The following PDIA6 variants were observed in gnomAD, a reference collection of about 807,000 sequenced individuals.
PDIA6 encodes the protein protein disulfide isomerase family A member 6, also known as protein disulfide-isomerase A6.
PDIA6 carries 29 observed loss-of-function variants against 58.4 expected under a neutral mutation model. The observed-to-expected ratio is 0.50, with a 90% CI of 0.37 to 0.68. PDIA6 has a LOEUF of 0.68. Among genes scored for constraint, PDIA6 ranks in the 30% least tolerant of loss-of-function variants. The probability of loss-of-function intolerance (pLI) is 0.00; values close to 1 mark genes in which losing one functional copy is unlikely to be tolerated. For synonymous variants in PDIA6, 192 were observed against 202.6 expected (o/e 0.95, Z 0.44); for missense variants, 480 against 551.0 (o/e 0.87, Z 1.29).
chr2:10,796,489 ACT>A (rs1451707286), intron 4 of PDIA6, among the ~76,000 whole-genome samples: 3 of 149,380 alleles, frequency 2.0e-5, no homozygotes, highest in Non-Finnish European at 4.4e-5. Flanking sequence ...ACACAGCAAG[ACT>A]CTGTCTCTTA....
At chr2:10,808,677 T>A (rs1666865321) in intron 1 of PDIA6, among the ~76,000 whole-genome samples, 1 of 152,178 alleles carries the variant, frequency 6.6e-6, no homozygotes, top group Non-Finnish European at 1.5e-5. Flanking sequence ...TGTGAATGGA[T>A]GCCAGGCTAA....
intron 1 of PDIA6, chr2:10,810,476 C>G: frequency 7.6e-7 from 1 of 1,313,296 alleles, no homozygotes; most frequent in Non-Finnish European, 9.7e-7. Flanking sequence ...CTTCCCTTTC[C>G]GTATAAAGAC....
intron 2 of PDIA6, among the ~76,000 whole-genome samples, chr2:10,818,590 C>T (rs112719627): frequency 0.14 from 18,329 of 132,698 alleles, 1,489 homozygotes; most frequent in Non-Finnish European, 0.19. Flanking sequence ...TGCACTATCT[C>T]GACTCACTAC....
At chr2:10,786,090 A>T (rs1420809942) in intron 11 of PDIA6, among the ~76,000 whole-genome samples, 2 of 151,820 alleles carry the variant, frequency 1.3e-5, no homozygotes, top group African/African-American at 4.8e-5. Flanking sequence ...TGGGAGGCTG[A>T]GGTGGGTGGA....
chr2:10,799,568 C>A (rs1041583202), intron 2 of PDIA6, among the ~76,000 whole-genome samples: 2 of 152,190 alleles, frequency 1.3e-5, no homozygotes, highest in African/African-American at 4.8e-5. Flanking sequence ...GGGGCCTAAA[C>A]TCAATCCCAG....
upstream of PDIA6, among the ~76,000 whole-genome samples, chr2:10,816,434 A>G (rs1401488500): frequency 1.4e-5 from 2 of 145,532 alleles, no homozygotes; most frequent in African/African-American, 2.6e-5. Flanking sequence ...TCTTTTTTAC[A>G]GGCTCCAGCC....
chr2:10,835,482 G>C (rs887088795), upstream of PDIA6, among the ~76,000 whole-genome samples: 15 of 152,164 alleles, frequency 9.9e-5, no homozygotes, highest in Admixed American at 3.3e-4. Context: ...CGAGGCCGGC[G>C]CACCCACCAG....
chr2:10,823,119 C>G (rs948695077), intron 1 of PDIA6: 2 of 152,244 alleles, frequency 1.3e-5, no homozygotes, highest in Non-Finnish European at 2.9e-5. Context: ...GGACAAATCA[C>G]CTTGCTCATT....
intron 1 of PDIA6, among the ~76,000 whole-genome samples, chr2:10,824,758 C>G (rs1667501995): frequency 6.6e-6 from 1 of 152,242 alleles, no homozygotes; most frequent in South Asian, 2.1e-4. Context: ...TGTCCTTCAG[C>G]TGAACATTCC....
rs1166009050 is a variant in PDIA6, at chr2:10,794,612, G to T, written c.347-1410C>A. 2.0e-5 allele frequency among the ~76,000 whole-genome samples: 3 copies of T among 151,002 alleles called. No homozygotes were observed. In the East Asian group the frequency reaches 5.9e-4, roughly 30 times the overall value. On this transcript the variant is annotated intron_variant, in intron 4 of 12. Coordinates refer to ENST00000272227, the MANE Select transcript of PDIA6 (RefSeq NM_005742.4). ...TCTGCCCAGGAAGAGAAACTTTTGA[G>T]AACACACCAGACCTGACACAAGAAA...
chr2:10,786,641 A>G (rs17455708), intron 11 of PDIA6, among the ~76,000 whole-genome samples: 22,287 of 152,208 alleles, frequency 0.15, 2,092 homozygotes, highest in Non-Finnish European at 0.21. Flanking sequence ...CAAGCCTCTC[A>G]ACTACCTTTT....
intron 2 of PDIA6, among the ~76,000 whole-genome samples, chr2:10,798,819 C>G (rs1666381356): frequency 6.6e-6 from 1 of 152,162 alleles, no homozygotes; most frequent in African/African-American, 2.4e-5. Flanking sequence ...GTTTGATAGT[C>G]TCTAGTCCAA....
intron 1 of PDIA6, among the ~76,000 whole-genome samples, chr2:10,820,364 C>G (rs1204325281): frequency 6.6e-6 from 1 of 152,112 alleles, no homozygotes; most frequent in South Asian, 2.1e-4. Flanking sequence ...TTCTGGCAAC[C>G]CCCACCCCAG....
At chr2:10,814,951 G>A (rs573027858), upstream of PDIA6, among the ~76,000 whole-genome samples, 28 of 152,306 alleles carry the variant, frequency 1.8e-4, no homozygotes, top group African/African-American at 6.5e-4. Flanking sequence ...GCTGATCCTC[G>A]TGGAGAAAAC....
chr2:10,790,783 T>A lies in PDIA6; in HGVS notation c.635A>T (p.Lys212Ile), dbSNP rs369014875. 12 of 1,614,092 alleles carry A rather than the reference T, an allele frequency of 7.4e-6. No individual in the cohort carries two copies. In the South Asian group the frequency reaches 1.3e-4, roughly 18 times the overall value. ...AAASEVKEQTKGKVKLAAVDA... is the reference protein window; with the variant it reads ...AAASEVKEQTIGKVKLAAVDA... ...CACAGCTGCCAGTTTCACTTTTCCT[T>A]TCGTCTGCTCTTTTACTTCTGAAGC... The change falls in exon 7 of 13, where the codon AAA becomes ATA. Residue 212 changes from lysine (K) to isoleucine (I), a missense_variant. By Grantham distance (102) the Lys-to-Ile change is moderately radical (BLOSUM62 -3). Transcript: ENST00000272227.
upstream of PDIA6, among the ~76,000 whole-genome samples, chr2:10,833,075 A>T (rs11885932): frequency 0.11 from 16,400 of 152,072 alleles, 1,062 homozygotes; most frequent in African/African-American, 0.15. Context: ...AGGAGTCCCC[A>T]TTTCCCAGAG....
intron 2 of PDIA6, among the ~76,000 whole-genome samples, chr2:10,800,078 T>C (rs1666440082): frequency 6.6e-6 from 1 of 152,148 alleles, no homozygotes; most frequent in Admixed American, 6.5e-5. Flanking sequence ...CAGTCAATTA[T>C]TGTGACTTTA....
At chr2:10,819,544 A>G (rs953498499) in intron 1 of PDIA6, among the ~76,000 whole-genome samples, 7 of 152,364 alleles carry the variant, frequency 4.6e-5, no homozygotes, top group Admixed American at 3.9e-4. Context: ...AAACTGTGCT[A>G]TTTGAGATAA....
intron 1 of PDIA6, among the ~76,000 whole-genome samples, chr2:10,827,653 G>A (rs1027768520): frequency 1.3e-5 from 2 of 151,680 alleles, no homozygotes; most frequent in Non-Finnish European, 1.5e-5. Context: ...GTGAAACCTC[G>A]TCTCTACTAA....
Sources: gnomAD v4.1 joint callset for allele counts (sites outside exome capture counted in the v4.1 genomes callset) on GRCh38, gnomAD v4.1.1 for gene constraint, MANE v1.5 for transcripts, NCBI Gene and HGNC (gene_info 2026-07-23, HGNC 2026-07-21) for gene names.